Variants in CSMD1 observed in about 807,000 individuals in gnomAD.
The protein encoded by CSMD1 is CUB and sushi domain-containing protein 1.
Under a neutral mutation model 417.5 loss-of-function variants are expected in CSMD1, and 213 were observed. That is an observed-to-expected ratio of 0.51 (90% CI 0.46 to 0.57). The LOEUF is 0.57. CSMD1 is among the 20% of genes least tolerant of loss of function. CSMD1 has a pLI of 0.00. For missense variants in CSMD1, 6,923 were observed against 4,529.7 expected, an observed-to-expected ratio of 1.53 and a Z score of -15.17; for synonymous variants, 2,862 against 1,736.8, an observed-to-expected ratio of 1.65 and a Z score of -16.11.
At chr8:3,825,340 G>C (rs1433477414) in intron 5 of CSMD1, among the ~76,000 whole-genome samples, 1 of 152,116 alleles carries the variant, frequency 6.6e-6, no homozygotes, top group Non-Finnish European at 1.5e-5. Flanking sequence ...GACCAGCTTG[G>C]CCAACATGGT....
chr8:4,384,870 A>G (rs1803342675), intron 3 of CSMD1, among the ~76,000 whole-genome samples: 2 of 150,426 alleles, frequency 1.3e-5, no homozygotes, highest in South Asian at 2.2e-4. Context: ...AACAAATACA[A>G]CTGCTCTAAT....
intron 40 of CSMD1, among the ~76,000 whole-genome samples, chr8:3,145,216 G>A (rs1261212603): frequency 6.6e-6 from 1 of 152,156 alleles, no homozygotes; most frequent in Non-Finnish European, 1.5e-5. Context: ...AAAACAACCT[G>A]CTGAATTGCT....
intron 3 of CSMD1, among the ~76,000 whole-genome samples, chr8:4,081,989 T>A (rs938612249): frequency 6.6e-6 from 1 of 151,972 alleles, no homozygotes; most frequent in South Asian, 2.1e-4. Context: ...CTCAGGAAGT[T>A]AATAGGAAAA....
chr8:3,494,657 G>GA (rs1439476437), intron 10 of CSMD1, among the ~76,000 whole-genome samples: 10 of 150,666 alleles, frequency 6.6e-5, no homozygotes, highest in African/African-American at 2.4e-4. Flanking sequence ...TGGGTGGATG[G>GA]AAAAATGACA....
intron 10 of CSMD1, among the ~76,000 whole-genome samples, chr8:3,508,120 C>T (rs1374220621): frequency 2.6e-5 from 4 of 152,134 alleles, no homozygotes; most frequent in Non-Finnish European, 4.4e-5. Context: ...AGGTTTCCTT[C>T]TAGACAAAAA....
intron 5 of CSMD1, among the ~76,000 whole-genome samples, chr8:3,875,066 G>T (rs1156273076): frequency 6.6e-6 from 1 of 152,072 alleles, no homozygotes; most frequent in African/African-American, 2.4e-5. Context: ...GAGCAGAAGA[G>T]CGGACACAGA....
intron 12 of CSMD1, among the ~76,000 whole-genome samples, chr8:3,416,658 G>T (rs1239974116): frequency 1.3e-5 from 2 of 152,176 alleles, no homozygotes; most frequent in African/African-American, 4.8e-5. Flanking sequence ...TGGTCCTTTA[G>T]ATTCTGCTGT....
chr8:4,153,821 G>A lies in CSMD1; in HGVS notation c.416-121722C>T, dbSNP rs895278583. Among the ~76,000 whole-genome samples the A allele has an allele frequency of 3.5e-4, 54 of 152,196 alleles. 1 individual carries two copies. The highest frequency in any genetic ancestry group is 1.5e-4 in the Non-Finnish European group (10 of 68,032). ...TGTATTTGTGTCTGAAACAAAAAAT[G>A]ACGGAACGTCACATGCAAGTGGTGA... On this transcript the variant is annotated intron_variant, in intron 3 of 69. Transcript: ENST00000635120.
intron 5 of CSMD1, among the ~76,000 whole-genome samples, chr8:3,839,288 T>C (rs1221083469): frequency 7.2e-5 from 9 of 124,202 alleles, no homozygotes; most frequent in Non-Finnish European, 1.3e-4. Flanking sequence ...ATAATATTAA[T>C]TATATATACT....
rs142447024 is a variant in CSMD1 at position 3,983,318 on chromosome 8, G to A, written c.818+14585C>T. 5.9e-3 allele frequency among the ~76,000 whole-genome samples: 891 copies of A among 152,048 alleles called. 19 individuals are homozygous for A. Among genetic ancestry groups the A allele is most frequent in the East Asian group, 0.049 (250 of 5,152 alleles). ...GCTAATTTTTTGTATTTTTAGTAGAGATGGGGTTTCACCGTGTTGGCCAGG... is the reference window on the plus strand; with the variant it reads ...GCTAATTTTTTGTATTTTTAGTAGAAATGGGGTTTCACCGTGTTGGCCAGG... On this transcript the variant is annotated intron_variant, in intron 5 of 69. Transcript: ENST00000635120.
chr8:4,523,317 T>C (rs1039365012), intron 2 of CSMD1, among the ~76,000 whole-genome samples: 30 of 152,206 alleles, frequency 2.0e-4, no homozygotes, highest in Admixed American at 9.8e-4. Flanking sequence ...TCTGAAACTG[T>C]ATACATAATA....
chr8:3,366,428 A>T (rs1387758873), intron 20 of CSMD1, among the ~76,000 whole-genome samples: 2 of 152,246 alleles, frequency 1.3e-5, no homozygotes, highest in Admixed American at 6.5e-5. Flanking sequence ...CAAATTAAAC[A>T]ATCTAACCCA....
intron 3 of CSMD1, among the ~76,000 whole-genome samples, chr8:4,262,834 G>C (rs778382147): frequency 2.0e-5 from 3 of 152,066 alleles, no homozygotes; most frequent in Non-Finnish European, 4.4e-5. Context: ...CTAAGCCTTG[G>C]CTTTAATCAA....
chr8:3,995,996 G>A (rs1292797493), intron 5 of CSMD1, among the ~76,000 whole-genome samples: 1 of 152,186 alleles, frequency 6.6e-6, no homozygotes, highest in Admixed American at 6.5e-5. Flanking sequence ...CTGGCTATCT[G>A]TGCTGATACT....
At chr8:3,561,203 G>A (rs188007895) in intron 10 of CSMD1, among the ~76,000 whole-genome samples, 3 of 152,244 alleles carry the variant, frequency 2.0e-5, no homozygotes, top group African/African-American at 7.2e-5. Flanking sequence ...AAATGAGTAA[G>A]CCTCTATGGA....
At chr8:4,079,032 G>C (rs948716583) in intron 3 of CSMD1, among the ~76,000 whole-genome samples, 4 of 150,640 alleles carry the variant, frequency 2.7e-5, no homozygotes, top group Non-Finnish European at 4.4e-5. Context: ...TTGTGTCCAG[G>C]TATGGACCCG....
chr8:4,751,595 G>C (rs1394347431), intron 1 of CSMD1, among the ~76,000 whole-genome samples: 3 of 152,072 alleles, frequency 2.0e-5, no homozygotes, highest in Non-Finnish European at 2.9e-5. Flanking sequence ...AAAAAACAGA[G>C]TTTATTCAGG....
At chr8:3,423,138 T>C (rs1251289427) in intron 12 of CSMD1, among the ~76,000 whole-genome samples, 1 of 152,202 alleles carries the variant, frequency 6.6e-6, no homozygotes, top group African/African-American at 2.4e-5. Context: ...CAATGATATT[T>C]TTAAATAATC....
chr8:3,842,879 A>C (rs1297922580), intron 5 of CSMD1, among the ~76,000 whole-genome samples: 1 of 152,192 alleles, frequency 6.6e-6, no homozygotes, highest in African/African-American at 2.4e-5. Context: ...TTGTTTCACA[A>C]ACTTGACATT....
Sources: allele counts gnomAD v4.1 joint callset (sites outside exome capture counted in the v4.1 genomes callset), GRCh38; gene constraint gnomAD v4.1.1; transcripts MANE v1.5; gene names NCBI Gene and HGNC (gene_info 2026-07-23, HGNC 2026-07-21).